Variants in HDAC1 observed in about 807,000 individuals in gnomAD.
The protein encoded by HDAC1 is histone deacetylase 1.
In HDAC1, 18 loss-of-function variants were observed where a neutral mutation model predicts 65.5. The ratio of observed to expected loss-of-function variants is 0.27; its 90% CI spans 0.19 to 0.41. The LOEUF (loss-of-function observed/expected upper bound fraction) is 0.41. HDAC1 is among the 10% of genes least tolerant of loss of function. The pLI is 1.00. For missense variants in HDAC1, 373 were observed against 625.2 expected (o/e 0.60, Z 4.30); for synonymous variants, 211 against 227.9 (o/e 0.93, Z 0.67).
intron 2 of HDAC1, among the ~76,000 whole-genome samples, chr1:32,313,082 T>TTTTATTTATTTATTTA (rs35808493): frequency 1.2e-4 from 18 of 148,510 alleles, no homozygotes; most frequent in African/African-American, 4.5e-4. Flanking sequence ...ACTTATTTTA[T>TTTTATTTATTTATTTA]TTTATTTATT....
chr1:32,292,992 G>C (rs553816277), intron 1 of HDAC1, among the ~76,000 whole-genome samples: 91 of 152,284 alleles, frequency 6.0e-4, no homozygotes, highest in African/African-American at 2.2e-3. Context: ...ATAACAGCAA[G>C]TTTCAGAGGC....
rs2148073618 is a variant in HDAC1, at chr1:32,332,145, G to A, written c.1275G>A (p.Glu425=). The change falls in exon 12 of 14, where the codon GAG becomes GAA. Residue 425 remains glutamate (E), a synonymous_variant. Coordinates refer to ENST00000373548, the MANE Select transcript of HDAC1 (RefSeq NM_004964.3). ...AGGAAGAGTTCTCCGATTCTGAAGA[G>A]GAGGGAGAGGGGGGCCGCAAGAACT... ...ACEEEFSDSE[E]EGEGGRKNSS... 6.2e-7 allele frequency: 1 copy of A among 1,613,336 alleles called. No individual in the cohort carries two copies. Among genetic ancestry groups the A allele is most frequent in the Non-Finnish European group, 8.5e-7 (1 of 1,179,548 alleles).
intron 2 of HDAC1, among the ~76,000 whole-genome samples, chr1:32,308,514 T>A (rs1000902347): frequency 5.3e-5 from 8 of 152,130 alleles, no homozygotes; most frequent in East Asian, 3.8e-4. Flanking sequence ...TTTGTTTTTT[T>A]AATTTTTATT....
At position 32,330,615 on chromosome 1, in the gene HDAC1, CGGT is replaced by C; in HGVS notation, c.771_773del (p.Val258del). ...GTAATGGAGATGTTCCAGCCTAGTG[CGGT>C]GGTCTTACAGTGTGGCTCAGACTCC... On this transcript the variant is annotated inframe_deletion, in exon 8 of 14. Transcript: ENST00000373548. This position sits in a 1 kb window ranked among gnomAD's most constrained non-coding sequence, Gnocchi z 4.2. The C allele has an allele frequency of 6.2e-7, 1 of 1,613,586 alleles. No homozygotes were observed. Among genetic ancestry groups the C allele is most frequent in the Non-Finnish European group, 8.5e-7 (1 of 1,179,574 alleles).
At chr1:32,304,505 C>G (rs180774752) in intron 2 of HDAC1, among the ~76,000 whole-genome samples, 1 of 152,240 alleles carries the variant, frequency 6.6e-6, no homozygotes. Context: ...CTCAAGTTAT[C>G]TTCCCACATC....
Position 32,316,764 on chromosome 1 carries a change from A to G in HDAC1, c.262A>G (p.Ser88Gly). 1 of 1,608,068 alleles carries G rather than the reference A, an allele frequency of 6.2e-7. No homozygotes were observed. The highest frequency in any genetic ancestry group is 1.7e-4 in the Middle Eastern group (1 of 6,046). Residue 88 changes from serine (S) to glycine (G), a missense_variant, in exon 3 of 14, where the codon AGC becomes GGC. Transcript: ENST00000373548. ...SIRPDNMSEY[S>G]KQMQRFNVGE... ...CCGTCCAGATAACATGTCGGAGTACAGCAAGCAGATGCAGAGATGTAAGTC... is the reference window on the plus strand; with the variant it reads ...CCGTCCAGATAACATGTCGGAGTACGGCAAGCAGATGCAGAGATGTAAGTC...
chr1:32,333,159 A>C lies in HDAC1; in HGVS notation c.*115A>C, dbSNP rs1236017935. 2 of 901,830 alleles carry C rather than the reference A, an allele frequency of 2.2e-6. No homozygotes were observed. Among genetic ancestry groups the C allele is most frequent in the Non-Finnish European group, 3.3e-6 (2 of 603,926 alleles). The allele number at this position is 901,830 out of a possible 1,614,324, so 55.9% of individuals were successfully genotyped here. A position where few individuals can be genotyped will look rare whatever the true frequency, so the allele number is the denominator to read the frequency against. On this transcript the variant is annotated 3_prime_UTR_variant, in exon 14 of 14. Coordinates refer to ENST00000373548, the MANE Select transcript of HDAC1 (RefSeq NM_004964.3). ...TTATATAAAAATTTATTAAATATAA[A>C]TATCCCCAGGGACAGAAACCAAGGC...
At chr1:32,308,810 G>A (rs1442062622) in intron 2 of HDAC1, among the ~76,000 whole-genome samples, 3 of 151,574 alleles carry the variant, frequency 2.0e-5, no homozygotes, top group East Asian at 2.0e-4. Flanking sequence ...GAGCCACGGC[G>A]CCTGGCCCGT....
Position 32,329,499 on chromosome 1 carries a change from G to A in HDAC1, c.729+339G>A, listed in dbSNP as rs2148071652. On this transcript the variant is annotated intron_variant, in intron 7 of 13. Transcript: ENST00000373548. This position sits in a 1 kb window ranked among gnomAD's most constrained non-coding sequence, Gnocchi z 4.1. ...TTCTTTGGGCTGCTGGGAGATTATT[G>A]TGTTCTTTTGGTAGTGGTATGTCTC... 2.6e-6 allele frequency: 1 copy of A among 385,930 alleles called. No homozygotes were observed. Among genetic ancestry groups the A allele is most frequent in the African/African-American group, 2.0e-5 (1 of 49,656 alleles). 23.9% of individuals were successfully genotyped at this position (385,930 alleles called of 1,614,324 possible).
intron 2 of HDAC1, among the ~76,000 whole-genome samples, chr1:32,312,674 T>G (rs1641006457): frequency 6.8e-6 from 1 of 146,108 alleles, no homozygotes; most frequent in African/African-American, 2.6e-5. Flanking sequence ...AACTTTTTTT[T>G]GTTTGTTTGC....
chr1:32,296,270 AG>A (rs1303811406), intron 1 of HDAC1, among the ~76,000 whole-genome samples: 2 of 152,192 alleles, frequency 1.3e-5, no homozygotes, highest in Admixed American at 1.3e-4. Flanking sequence ...AAGCTAAAGA[AG>A]GGAGGGATTG....
Position 32,315,417 on chromosome 1 carries a change from A to G in HDAC1, c.163-1248A>G, listed in dbSNP as rs577418901. Among the ~76,000 whole-genome samples the G allele has an allele frequency of 2.0e-5, 3 of 151,746 alleles. No homozygotes were observed. The East Asian group carries it at 5.9e-4, about 30-fold the overall frequency. ...GCCCAGGATGGAGTGCAGTGGCACAATCTCAGCTCACTGCAACCTCCACCT... is the reference window on the plus strand; with the variant it reads ...GCCCAGGATGGAGTGCAGTGGCACAGTCTCAGCTCACTGCAACCTCCACCT... On this transcript the variant is annotated intron_variant, in intron 2 of 13. Transcript: ENST00000373548.
intron 4 of HDAC1, among the ~76,000 whole-genome samples, chr1:32,325,888 G>A (rs938085552): frequency 6.6e-6 from 1 of 151,950 alleles, no homozygotes. Flanking sequence ...TTAGCCGGGC[G>A]TGGTGGTGTG....
chr1:32,303,664 T>C (rs1396520648), intron 2 of HDAC1, among the ~76,000 whole-genome samples: 2 of 152,082 alleles, frequency 1.3e-5, no homozygotes, highest in African/African-American at 4.8e-5. Flanking sequence ...TCTCCTAGGT[T>C]TAAAATGTTA....
chr1:32,332,746 A>C lies in HDAC1; in HGVS notation c.1418A>C (p.Lys473Thr). The part of the protein sequence containing the change: ...EKTKEEKPEA[K>T]GVKEEVKLA ...ACCAAGGAGGAGAAGCCAGAAGCCA[A>C]AGGGTGAGGAAGGAGCTGCCTGTGG... The change falls in exon 13 of 14, where the codon AAA (lysine) becomes ACA (threonine). Residue 473 changes from lysine (K) to threonine (T), a missense_variant. Lys to Thr is a moderately conservative substitution (Grantham distance 78). Transcript: ENST00000373548. 6.4e-7 allele frequency: 1 copy of C among 1,554,068 alleles called. No homozygotes were observed. The highest frequency in any genetic ancestry group is 8.7e-7 in the Non-Finnish European group (1 of 1,148,004).
At chr1:32,311,005 TAA>T (rs994678039) in intron 2 of HDAC1, among the ~76,000 whole-genome samples, 1 of 151,956 alleles carries the variant, frequency 6.6e-6, no homozygotes, top group African/African-American at 2.4e-5. Flanking sequence ...CAGCATAAAT[TAA>T]CAATGGTTAA....
Position 32,331,917 on chromosome 1 carries a change from GTT to G in HDAC1, c.1219+114_1219+115del. The stretch of plus-strand genomic sequence containing the variant: ...AAGCTCCCCACCTGTAGAGAAATCT[GTT>G]TTCGAGTTCCAGTGCCTGTAGGAAC... On this transcript the variant is annotated intron_variant, in intron 11 of 13. Transcript: ENST00000373548. The surrounding 1 kb of genome is among the most constrained non-coding windows in gnomAD (Gnocchi z 4.2). The G allele has an allele frequency of 6.9e-7, 1 of 1,454,670 alleles. No individual in the cohort carries two copies. The highest frequency in any genetic ancestry group is 9.3e-7 in the Non-Finnish European group (1 of 1,078,976). 90.1% of individuals were successfully genotyped at this position (1,454,670 alleles called of 1,614,324 possible). A position where few individuals can be genotyped will look rare whatever the true frequency, so the allele number is the denominator to read the frequency against.
intron 6 of HDAC1, among the ~76,000 whole-genome samples, chr1:32,328,835 A>G (rs1641253277): frequency 6.6e-6 from 1 of 152,218 alleles, no homozygotes; most frequent in South Asian, 2.1e-4. Context: ...GGTCCCATCA[A>G]GAGCTCTCAG....
In HDAC1 at chr1:32,327,315, A is replaced by G. The variant is rs1641232728; in HGVS notation, c.495-221A>G. ...CTCCAGAGTGTCCCTGTGTGGCTGGAGTTGACCCTGGCTGTAGAGTAGGAA... is the reference window on the plus strand; with the variant it reads ...CTCCAGAGTGTCCCTGTGTGGCTGGGGTTGACCCTGGCTGTAGAGTAGGAA... On this transcript the variant is annotated intron_variant, in intron 5 of 13. Transcript: ENST00000373548. This position sits in a 1 kb window ranked among gnomAD's most constrained non-coding sequence, Gnocchi z 6.0. 1.6e-6 allele frequency: 1 copy of G among 617,526 alleles called. No homozygotes were observed. Among genetic ancestry groups the G allele is most frequent in the Middle Eastern group, 4.3e-4 (1 of 2,308 alleles). 38.3% of individuals were successfully genotyped at this position (617,526 alleles called of 1,614,324 possible).
Sources: allele counts gnomAD v4.1 joint callset (sites outside exome capture counted in the v4.1 genomes callset), GRCh38; gene constraint gnomAD v4.1.1; non-coding constraint Gnocchi (gnomAD v3.1); transcripts MANE v1.5; gene names NCBI Gene and HGNC (gene_info 2026-07-23, HGNC 2026-07-21).